Variants in NUDCD1 observed in about 807,000 individuals in gnomAD.
The protein encoded by NUDCD1 is nudC domain-containing protein 1.
Under a neutral mutation model 67.8 loss-of-function variants are expected in NUDCD1, and 60 were observed. That is an observed-to-expected ratio of 0.88 (90% CI 0.72 to 1.10). The LOEUF is 1.10. Among genes scored for constraint, NUDCD1 ranks in the 50% least tolerant of loss-of-function variants. The probability of loss-of-function intolerance (pLI) is 0.00; values close to 1 mark genes in which losing one functional copy is unlikely to be tolerated. For synonymous variants in NUDCD1, 244 were observed against 230.8 expected, an observed-to-expected ratio of 1.06 and a Z score of -0.52; for missense variants, 643 against 695.0, an observed-to-expected ratio of 0.93 and a Z score of 0.84.
rs569380890 is a variant in NUDCD1 at position 109,311,557 on chromosome 8, G to GTATA, written c.273+10751_273+10752insTATA. Among the ~76,000 whole-genome samples, 3 of 62,690 alleles carry GTATA rather than the reference G, an allele frequency of 4.8e-5. 1 individual carries two copies. Among genetic ancestry groups the GTATA allele is most frequent in the African/African-American group, 3.7e-4 (3 of 8,216 alleles). 41.1% of individuals were successfully genotyped at this position (62,690 alleles called of 152,430 possible). A position where few individuals can be genotyped will look rare whatever the true frequency, so the allele number is the denominator to read the frequency against. On this transcript the variant is annotated intron_variant, in intron 2 of 9. Transcript: ENST00000239690. ...TCAATGAGTGGATAAAGAAACTGTG[G>GTATA]TGTATATATATATATGATGGGATAC...
At chr8:109,302,697 T>A (rs1815017861) in intron 2 of NUDCD1, among the ~76,000 whole-genome samples, 1 of 152,102 alleles carries the variant, frequency 6.6e-6, no homozygotes, top group South Asian at 2.1e-4. Flanking sequence ...TTATAAGACA[T>A]CTCCCAAATC....
rs200575759 is a variant in NUDCD1, at chr8:109,303,295, G to A, written c.274-6726C>T. 1.8e-4 allele frequency among the ~76,000 whole-genome samples: 27 copies of A among 152,222 alleles called. No individual in the cohort carries two copies. The South Asian group carries it at 2.9e-3, about 16-fold the overall frequency. On this transcript the variant is annotated intron_variant, in intron 2 of 9. Coordinates refer to ENST00000239690, the MANE Select transcript of NUDCD1 (RefSeq NM_032869.4). Reference sequence around the variant, plus strand: ...TAGTGGCTGAAGACTAACACTGCCCGATCGCCTTGGAAGCCTACAGGACCA... The same window carrying A: ...TAGTGGCTGAAGACTAACACTGCCCAATCGCCTTGGAAGCCTACAGGACCA...
chr8:109,325,776 G>C (rs189874210), intron 1 of NUDCD1, among the ~76,000 whole-genome samples: 1 of 152,168 alleles, frequency 6.6e-6, no homozygotes, highest in Non-Finnish European at 1.5e-5. Flanking sequence ...TTAAGCAGGA[G>C]AGTAAAGTTC....
intron 2 of NUDCD1, among the ~76,000 whole-genome samples, chr8:109,319,864 A>C (rs1815491698): frequency 6.6e-6 from 1 of 152,218 alleles, no homozygotes; most frequent in Non-Finnish European, 1.5e-5. Flanking sequence ...CAGCTTGAGA[A>C]ATTAAGGGAC....
At chr8:109,329,853 G>T (rs183357626) in intron 1 of NUDCD1, 26 of 1,549,794 alleles carry the variant, frequency 1.7e-5, no homozygotes, top group Non-Finnish European at 2.2e-5. Flanking sequence ...GATGGACATG[G>T]GACCCTTCAA....
At chr8:109,272,348 C>A (rs1292459938) in intron 7 of NUDCD1, among the ~76,000 whole-genome samples, 1 of 142,084 alleles carries the variant, frequency 7.0e-6, no homozygotes, top group Admixed American at 7.2e-5. Context: ...AAATATGTAA[C>A]CTCTAGAACC....
chr8:109,245,707 T>C (rs1310217256), intron 8 of NUDCD1, among the ~76,000 whole-genome samples: 6 of 152,186 alleles, frequency 3.9e-5, no homozygotes, highest in African/African-American at 1.2e-4. Context: ...AACTTGTCGA[T>C]GGTCAGCCTG....
chr8:109,247,487 A>G (rs1813525968), intron 8 of NUDCD1, among the ~76,000 whole-genome samples: 1 of 152,186 alleles, frequency 6.6e-6, no homozygotes, highest in Non-Finnish European at 1.5e-5. Flanking sequence ...AAATAAGAGG[A>G]TAAGAATGAA....
At chr8:109,328,186 TGAG>T (rs1255487779) in intron 1 of NUDCD1, among the ~76,000 whole-genome samples, 1 of 152,160 alleles carries the variant, frequency 6.6e-6, no homozygotes, top group Non-Finnish European at 1.5e-5. Flanking sequence ...TTTACTGCCT[TGAG>T]GAGTTTCCAG....
intron 8 of NUDCD1, among the ~76,000 whole-genome samples, chr8:109,269,388 A>C (rs929963164): frequency 1.3e-5 from 2 of 152,192 alleles, no homozygotes; most frequent in East Asian, 3.8e-4. Flanking sequence ...TGCTCATTTT[A>C]CTTCTTTGAG....
At chr8:109,269,935 G>C (rs1321555883) in intron 8 of NUDCD1, among the ~76,000 whole-genome samples, 5 of 109,244 alleles carry the variant, frequency 4.6e-5, no homozygotes, top group Non-Finnish European at 8.6e-5. Context: ...TATCTAATAA[G>C]GTTCTAAATT....
chr8:109,268,524 A>T (rs1396320495), intron 8 of NUDCD1, among the ~76,000 whole-genome samples: 3 of 152,198 alleles, frequency 2.0e-5, no homozygotes, highest in Non-Finnish European at 4.4e-5. Flanking sequence ...AACTGGGGGT[A>T]TCTTAGTGAC....
intron 2 of NUDCD1, chr8:109,316,200 T>G (rs1170014196): frequency 6.6e-6 from 1 of 152,258 alleles, no homozygotes; most frequent in Non-Finnish European, 1.5e-5. Context: ...AACACATTTT[T>G]GCTTTCCCAA....
rs914407440 is a variant in NUDCD1 at position 109,243,672 on chromosome 8, G to A, written c.1460-371C>T. ...TTTAATATTTAGCTTCGTGAGTTAC[G>A]GATAGGGCATCACAGAACCATTTTT... is the stretch of plus-strand genomic sequence containing the variant. On this transcript the variant is annotated intron_variant, in intron 9 of 9. Transcript: ENST00000239690. 3.9e-5 allele frequency among the ~76,000 whole-genome samples: 6 copies of A among 152,068 alleles called. No homozygotes were observed. The South Asian group carries it at 8.3e-4, about 21-fold the overall frequency.
At chr8:109,299,568 AC>A in intron 2 of NUDCD1, among the ~76,000 whole-genome samples, 1 of 151,856 alleles carries the variant, frequency 6.6e-6, no homozygotes, top group South Asian at 2.1e-4. Context: ...TGGAAACCTC[AC>A]CCCCATCCCC....
intron 8 of NUDCD1, among the ~76,000 whole-genome samples, chr8:109,250,087 C>T (rs1286079618): frequency 6.6e-6 from 1 of 152,052 alleles, no homozygotes; most frequent in Non-Finnish European, 1.5e-5. Flanking sequence ...TCAAGCAATC[C>T]TCCTGCCTCA....
At chr8:109,324,737 C>T (rs1009203836) in intron 1 of NUDCD1, among the ~76,000 whole-genome samples, 1 of 152,038 alleles carries the variant, frequency 6.6e-6, no homozygotes, top group Non-Finnish European at 1.5e-5. Flanking sequence ...TAAAAAAGAA[C>T]GAAATTCTAT....
At chr8:109,262,724 G>T (rs542292082) in intron 8 of NUDCD1, among the ~76,000 whole-genome samples, 1 of 152,156 alleles carries the variant, frequency 6.6e-6, no homozygotes, top group South Asian at 2.1e-4. Context: ...TTGCATAAAC[G>T]GATCTGCTTG....
intron 9 of NUDCD1, among the ~76,000 whole-genome samples, chr8:109,244,156 C>T (rs1813443085): frequency 6.6e-6 from 1 of 151,930 alleles, no homozygotes; most frequent in African/African-American, 2.4e-5. Context: ...TGAGCACATG[C>T]AGATCAATAC....
Sources: allele counts gnomAD v4.1 joint callset (sites outside exome capture counted in the v4.1 genomes callset), GRCh38; gene constraint gnomAD v4.1.1; transcripts MANE v1.5; gene names NCBI Gene and HGNC (gene_info 2026-07-23, HGNC 2026-07-21).